The following SLC24A3 variants were observed in gnomAD, a reference collection of about 807,000 sequenced individuals.
SLC24A3 encodes sodium/potassium/calcium exchanger 3.
SLC24A3 carries 28 observed loss-of-function variants against 75.8 expected under a neutral mutation model. The observed-to-expected ratio is 0.37, with a 90% CI of 0.27 to 0.51. The LOEUF (loss-of-function observed/expected upper bound fraction) is 0.51. Ranked by LOEUF, SLC24A3 falls within the 20% of genes least tolerant of loss-of-function variation. The pLI is 0.94. For missense variants in SLC24A3, 663 were observed against 847.8 expected, an observed-to-expected ratio of 0.78 and a Z score of 2.71; for synonymous variants, 372 against 334.1, an observed-to-expected ratio of 1.11 and a Z score of -1.24.
intron 1 of SLC24A3, among the ~76,000 whole-genome samples, chr20:19,235,310 G>A (rs916843333): frequency 2.0e-5 from 3 of 152,210 alleles, no homozygotes; most frequent in Non-Finnish European, 2.9e-5. Flanking sequence ...GTAAGGTGAG[G>A]TAGGGTGGTG....
chr20:19,428,051 A>G (rs1987041422), intron 2 of SLC24A3, among the ~76,000 whole-genome samples: 1 of 152,132 alleles, frequency 6.6e-6, no homozygotes, highest in African/African-American at 2.4e-5. Flanking sequence ...TGGAAGTCCA[A>G]CGTTTGGTTT....
intron 3 of SLC24A3, among the ~76,000 whole-genome samples, chr20:19,575,986 G>A (rs779963972): frequency 6.6e-5 from 10 of 152,148 alleles, no homozygotes; most frequent in Non-Finnish European, 1.3e-4. Context: ...TCTGTGGGAA[G>A]GCTTGGAGGG....
At chr20:19,486,432 T>G (rs1406026570) in intron 2 of SLC24A3, among the ~76,000 whole-genome samples, 1 of 152,170 alleles carries the variant, frequency 6.6e-6, no homozygotes, top group Non-Finnish European at 1.5e-5. Context: ...TGAATTTTAT[T>G]GAATGTATGT....
At chr20:19,568,682 C>T (rs1404653788) in intron 3 of SLC24A3, among the ~76,000 whole-genome samples, 5 of 152,078 alleles carry the variant, frequency 3.3e-5, no homozygotes, top group Non-Finnish European at 5.9e-5. Context: ...AGATGGATGG[C>T]GATGATGGTT....
intron 6 of SLC24A3, among the ~76,000 whole-genome samples, chr20:19,635,743 A>G (rs1253115021): frequency 1.3e-5 from 2 of 152,278 alleles, no homozygotes; most frequent in Middle Eastern, 3.4e-3. Flanking sequence ...GCACCTTTGT[A>G]TGTTCACTCT....
At chr20:19,712,335 G>A (rs1040114841) in intron 15 of SLC24A3, among the ~76,000 whole-genome samples, 1 of 151,952 alleles carries the variant, frequency 6.6e-6, no homozygotes, top group Admixed American at 6.6e-5. Flanking sequence ...AAAAACTCAC[G>A]AGCCAGGCAT....
intron 2 of SLC24A3, among the ~76,000 whole-genome samples, chr20:19,440,820 A>G (rs1180733394): frequency 6.6e-6 from 1 of 152,094 alleles, no homozygotes; most frequent in East Asian, 1.9e-4. Context: ...ATGGAAGATG[A>G]ACTTAAGGGC....
At chr20:19,585,310 A>G in intron 5 of SLC24A3, 131 bp from the exon 6 acceptor site, 1 of 894,924 alleles carries the variant, frequency 1.1e-6, no homozygotes, top group East Asian at 2.4e-5. Context: ...TAGATTAGAA[A>G]GCTCTCTCCA....
intron 2 of SLC24A3, among the ~76,000 whole-genome samples, chr20:19,504,010 A>T (rs1988426465): frequency 6.6e-6 from 1 of 152,196 alleles, no homozygotes; most frequent in African/African-American, 2.4e-5. Context: ...TAGGGAAATA[A>T]GGAGCGCACA....
chr20:19,684,777 C>T (rs2032654468), intron 11 of SLC24A3, among the ~76,000 whole-genome samples: 1 of 152,212 alleles, frequency 6.6e-6, no homozygotes, highest in Admixed American at 6.5e-5. Flanking sequence ...AGCTTTCTCA[C>T]ATAGGGACCC....
chr20:19,248,006 C>T (rs1343255030), intron 1 of SLC24A3, among the ~76,000 whole-genome samples: 1 of 152,062 alleles, frequency 6.6e-6, no homozygotes, highest in African/African-American at 2.4e-5. Flanking sequence ...ATGGAGAAAC[C>T]CATCCTTTAA....
intron 14 of SLC24A3, among the ~76,000 whole-genome samples, chr20:19,698,200 A>G (rs2032832826): frequency 6.6e-6 from 1 of 152,208 alleles, no homozygotes; most frequent in Admixed American, 6.5e-5. Context: ...GTGTTAAACC[A>G]TTCATAAGAA....
rs757177233 is a variant in SLC24A3 at position 19,580,078 on chromosome 20, C to T, written c.423+4C>T. 6.8e-6 allele frequency: 11 copies of T among 1,612,510 alleles called. No homozygotes were observed. The highest frequency in any genetic ancestry group is 2.2e-5 in the East Asian group (1 of 44,878). ...TTCCTTGGAAAAGATCTGTGAGGTA[C>T]GTGCCTCACATTCTTGGTATGTGTG... On this transcript the variant is annotated splice_donor_region_variant and intron_variant, in intron 4 of 16. Coordinates refer to ENST00000328041, the MANE Select transcript of SLC24A3 (RefSeq NM_020689.4).
At chr20:19,587,553 T>C (rs1360118851) in intron 6 of SLC24A3, among the ~76,000 whole-genome samples, 1 of 152,210 alleles carries the variant, frequency 6.6e-6, no homozygotes, top group Non-Finnish European at 1.5e-5. Context: ...CTTCTGACTT[T>C]CCTGTCATGT....
At chr20:19,280,692 A>T (rs1353562188) in intron 1 of SLC24A3, among the ~76,000 whole-genome samples, 1 of 152,154 alleles carries the variant, frequency 6.6e-6, no homozygotes, top group Non-Finnish European at 1.5e-5. Context: ...GGGGCAGTTG[A>T]TCAAGTGTGC....
At chr20:19,422,163 G>A (rs893182148) in intron 2 of SLC24A3, among the ~76,000 whole-genome samples, 1 of 152,116 alleles carries the variant, frequency 6.6e-6, no homozygotes, top group African/African-American at 2.4e-5. Flanking sequence ...CTGTCTGCAG[G>A]TAATCTCTGA....
At chr20:19,392,267 G>A (rs982766365) in intron 2 of SLC24A3, among the ~76,000 whole-genome samples, 13 of 152,112 alleles carry the variant, frequency 8.5e-5, no homozygotes, top group Non-Finnish European at 1.9e-4. Flanking sequence ...ATCACCTGTG[G>A]GTACAGGTGG....
intron 2 of SLC24A3, among the ~76,000 whole-genome samples, chr20:19,381,457 A>G (rs1986180578): frequency 6.6e-6 from 1 of 152,182 alleles, no homozygotes; most frequent in African/African-American, 2.4e-5. Context: ...CAAGCTCTGA[A>G]TAGAGGGATT....
At chr20:19,279,916 G>T in intron 1 of SLC24A3, among the ~76,000 whole-genome samples, 1 of 152,200 alleles carries the variant, frequency 6.6e-6, no homozygotes. Flanking sequence ...GAGCACCACG[G>T]CATCTGCCTA....
Sources: allele counts gnomAD v4.1 joint callset (sites outside exome capture counted in the v4.1 genomes callset), GRCh38; gene constraint gnomAD v4.1.1; transcripts MANE v1.5; gene names NCBI Gene and HGNC (gene_info 2026-07-23, HGNC 2026-07-21).